DCC: variants seen among roughly 807,000 people sequenced by gnomAD.
DCC encodes netrin receptor DCC.
Under a neutral mutation model 172.5 loss-of-function variants are expected in DCC, and 58 were observed. That is an observed-to-expected ratio of 0.34 (90% confidence interval 0.27 to 0.42). DCC has a LOEUF of 0.42. Among genes scored for constraint, DCC ranks in the 10% least tolerant of loss-of-function variants. DCC has a pLI of 1.00. For missense variants in DCC, 1,740 were observed against 1,791.0 expected (o/e 0.97, Z 0.51); for synonymous variants, 709 against 644.5 (o/e 1.10, Z -1.52).
chr18:52,444,359 C>G (rs1000931136), intron 1 of DCC, among the ~76,000 whole-genome samples: 2 of 152,188 alleles, frequency 1.3e-5, no homozygotes. Context: ...CACTGGAAGA[C>G]TTCTACGTCA....
At chr18:52,986,898 C>T (rs2041305473) in intron 5 of DCC, among the ~76,000 whole-genome samples, 1 of 151,798 alleles carries the variant, frequency 6.6e-6, no homozygotes. Flanking sequence ...TCTCAGCTCA[C>T]TGCAACCTCC....
chr18:52,797,256 G>A (rs952782224), intron 2 of DCC, among the ~76,000 whole-genome samples: 1 of 152,078 alleles, frequency 6.6e-6, no homozygotes, highest in Non-Finnish European at 1.5e-5. Flanking sequence ...TCAAGATAAA[G>A]TTCCTGTTTT....
At chr18:53,204,198 C>A (rs1415878302) in intron 9 of DCC, among the ~76,000 whole-genome samples, 2 of 134,084 alleles carry the variant, frequency 1.5e-5, no homozygotes, top group Non-Finnish European at 1.6e-5. Context: ...GAAAAAAAAA[C>A]CCTGCACAGA....
chr18:53,115,430 C>T (rs550963604), intron 7 of DCC, among the ~76,000 whole-genome samples: 5 of 151,372 alleles, frequency 3.3e-5, no homozygotes, highest in Admixed American at 2.0e-4. Context: ...GTGGCAGATA[C>T]GGGTGGGGGC....
chr18:53,176,814 C>T (rs1025666209), intron 8 of DCC, among the ~76,000 whole-genome samples: 1 of 151,592 alleles, frequency 6.6e-6, no homozygotes, highest in Non-Finnish European at 1.5e-5. Flanking sequence ...TTTGACCCAG[C>T]CATCCCATTA....
rs1438923986 is a variant in DCC at position 53,286,567 on chromosome 18, G to A, written c.1912-19011G>A. On this transcript the variant is annotated intron_variant, in intron 12 of 28. Transcript: ENST00000442544. ...CATGAAAACAGACTAATACACAATT[G>A]CATTAGCCTCTAATTGTGCCTGGCT... Among the ~76,000 whole-genome samples, 3 of 152,224 alleles carry A rather than the reference G, an allele frequency of 2.0e-5. 1 individual carries two copies. In the South Asian group the frequency reaches 6.2e-4, roughly 32 times the overall value.
intron 17 of DCC, among the ~76,000 whole-genome samples, chr18:53,396,402 G>A (rs573143172): frequency 6.6e-6 from 1 of 151,964 alleles, no homozygotes; most frequent in Admixed American, 6.6e-5. Context: ...AAGCAATAAA[G>A]AACTATAATT....
chr18:52,876,769 A>T (rs117373717), intron 2 of DCC, among the ~76,000 whole-genome samples: 1,939 of 152,232 alleles, frequency 0.013, 28 homozygotes, highest in Non-Finnish European at 0.02. Flanking sequence ...GCCTACATGC[A>T]TTGTGCTCAG....
chr18:52,471,329 C>T (rs1988939228), intron 1 of DCC, among the ~76,000 whole-genome samples: 1 of 152,152 alleles, frequency 6.6e-6, no homozygotes, highest in Non-Finnish European at 1.5e-5. Context: ...AAGACTGTAT[C>T]TCAAAAAATA....
intron 6 of DCC, among the ~76,000 whole-genome samples, chr18:53,065,418 G>A (rs1451718816): frequency 1.3e-5 from 2 of 152,130 alleles, no homozygotes; most frequent in Admixed American, 6.6e-5. Context: ...AGGAGTTAAT[G>A]TTGCTGTATT....
intron 8 of DCC, among the ~76,000 whole-genome samples, chr18:53,161,338 G>A (rs28529496): frequency 0.054 from 8,141 of 152,022 alleles, 284 homozygotes; most frequent in East Asian, 0.11. Context: ...TTTCTCCTTC[G>A]GTGAAACTCA....
chr18:52,834,283 A>G (rs981309333), intron 2 of DCC, among the ~76,000 whole-genome samples: 1 of 152,206 alleles, frequency 6.6e-6, no homozygotes, highest in Non-Finnish European at 1.5e-5. Context: ...TCATATCTTA[A>G]CGGAAACATA....
chr18:53,230,665 A>C (rs868619657), intron 12 of DCC, among the ~76,000 whole-genome samples: 67 of 152,232 alleles, frequency 4.4e-4, no homozygotes, highest in African/African-American at 1.5e-3. Context: ...TAATTAGACC[A>C]GTTAGTAATT....
intron 7 of DCC, among the ~76,000 whole-genome samples, chr18:53,112,484 C>T (rs537851596): frequency 6.6e-6 from 1 of 151,378 alleles, no homozygotes; most frequent in Non-Finnish European, 1.5e-5. Context: ...GGATTTGAAC[C>T]CAGATCTGCC....
intron 7 of DCC, among the ~76,000 whole-genome samples, chr18:53,082,296 T>C (rs930331760): frequency 1.3e-5 from 2 of 152,182 alleles, no homozygotes; most frequent in Non-Finnish European, 2.9e-5. Context: ...AAAATTGTTA[T>C]ATGGTTATGG....
intron 1 of DCC, among the ~76,000 whole-genome samples, chr18:52,390,967 T>C (rs1345346033): frequency 6.6e-6 from 1 of 152,138 alleles, no homozygotes; most frequent in East Asian, 1.9e-4. Flanking sequence ...TCTTATCATC[T>C]TCTTGCCTTT....
At chr18:52,534,427 G>C (rs1352846565) in intron 1 of DCC, among the ~76,000 whole-genome samples, 4 of 152,054 alleles carry the variant, frequency 2.6e-5, no homozygotes, top group Admixed American at 2.6e-4. Context: ...TTCCTTACCT[G>C]TCATTAGATT....
chr18:52,516,270 A>C (rs916984507), intron 1 of DCC, among the ~76,000 whole-genome samples: 1 of 152,242 alleles, frequency 6.6e-6, no homozygotes, highest in African/African-American at 2.4e-5. Context: ...TCATGTTCAC[A>C]AAAATAAATA....
At chr18:53,120,022 C>T (rs2043461209) in intron 7 of DCC, among the ~76,000 whole-genome samples, 1 of 151,664 alleles carries the variant, frequency 6.6e-6, no homozygotes, top group Non-Finnish European at 1.5e-5. Flanking sequence ...GTCTCATTAC[C>T]CTGAAATTTT....
Sources: allele counts gnomAD v4.1 joint callset (sites outside exome capture counted in the v4.1 genomes callset), GRCh38; gene constraint gnomAD v4.1.1; transcripts MANE v1.5; gene names NCBI Gene and HGNC (gene_info 2026-07-23, HGNC 2026-07-21).